SH3BGR: variants seen among roughly 807,000 people sequenced by gnomAD.
SH3BGR encodes the protein SH3 domain-binding glutamic acid-rich protein.
SH3BGR carries 29 observed loss-of-function variants against 24.5 expected under a neutral mutation model. That is an observed-to-expected ratio of 1.18 (90% CI 0.88 to 1.61). The LOEUF is 1.61. SH3BGR is among the 40% of genes most tolerant of loss of function. The probability of loss-of-function intolerance (pLI) is 0.00; values close to 1 mark genes in which losing one functional copy is unlikely to be tolerated. For missense variants in SH3BGR, 162 were observed against 205.8 expected (o/e 0.79, Z 1.30); for synonymous variants, 55 against 65.7 (o/e 0.84, Z 0.79).
At chr21:39,465,407 T>C (rs972112312) in intron 2 of SH3BGR, among the ~76,000 whole-genome samples, 1 of 152,232 alleles carries the variant, frequency 6.6e-6, no homozygotes, top group African/African-American at 2.4e-5. Context: ...CTCTTTTGAA[T>C]TCTGTAGCTC....
chr21:39,484,466 A>G (rs1398115503), intron 3 of SH3BGR, among the ~76,000 whole-genome samples: 1 of 152,226 alleles, frequency 6.6e-6, no homozygotes, highest in Non-Finnish European at 1.5e-5. Flanking sequence ...TATTTATACT[A>G]ATACGTATAA....
chr21:39,462,568 T>A lies in SH3BGR; in HGVS notation c.231+8T>A. On this transcript the variant is annotated splice_region_variant and intron_variant, in intron 2 of 6. Transcript: ENST00000333634. ...GAGGAGCAGTACTGTGGGGTGAGTA[T>A]GTGCTTCTATTAAAAATCCTGCTGT... The A allele has an allele frequency of 6.6e-7, 1 of 1,522,624 alleles. No homozygotes were observed. Among genetic ancestry groups the A allele is most frequent in the Non-Finnish European group, 8.8e-7 (1 of 1,142,378 alleles). 94.3% of individuals were successfully genotyped at this position (1,522,624 alleles called of 1,614,324 possible). A position where few individuals can be genotyped will look rare whatever the true frequency, so the allele number is the denominator to read the frequency against.
chr21:39,510,950 T>G (rs2078681229), intron 5 of SH3BGR, among the ~76,000 whole-genome samples: 3 of 140,594 alleles, frequency 2.1e-5, no homozygotes, highest in Non-Finnish European at 4.6e-5. Flanking sequence ...TATATATACT[T>G]TCTGAATTTG....
At chr21:39,460,095 A>G (rs73211898) in intron 1 of SH3BGR, among the ~76,000 whole-genome samples, 2,270 of 152,352 alleles carry the variant, frequency 0.015, 24 homozygotes, top group Admixed American at 0.024. Flanking sequence ...AGATACAGTC[A>G]TTACGTGTTA....
In SH3BGR at chr21:39,497,752, A is replaced by G. The variant is rs570981079; in HGVS notation, c.313-2071A>G. Reference sequence around the variant, plus strand: ...AAATATGCCCTTATTTCCAATAATGATAAATGTATAAGTGAAACCAAAAAT... The same window carrying G: ...AAATATGCCCTTATTTCCAATAATGGTAAATGTATAAGTGAAACCAAAAAT... On this transcript the variant is annotated intron_variant, in intron 3 of 6. Transcript: ENST00000333634. Among the ~76,000 whole-genome samples the G allele has an allele frequency of 5.3e-5, 8 of 152,334 alleles. 1 individual carries two copies. The East Asian group carries it at 1.5e-3, about 29-fold the overall frequency.
intron 2 of SH3BGR, among the ~76,000 whole-genome samples, chr21:39,469,348 TGTTC>T (rs1457465732): frequency 1.3e-5 from 2 of 151,874 alleles, no homozygotes; most frequent in African/African-American, 4.8e-5. Context: ...CATAGTTTTT[TGTTC>T]GTTTGTTTGT....
At chr21:39,481,981 C>G (rs2078137258) in intron 3 of SH3BGR, among the ~76,000 whole-genome samples, 1 of 152,150 alleles carries the variant, frequency 6.6e-6, no homozygotes, top group South Asian at 2.1e-4. Context: ...GGAAACCGAT[C>G]TTTATAATAA....
chr21:39,491,568 TG>T, intron 3 of SH3BGR: 2 of 277,670 alleles, frequency 7.2e-6, no homozygotes, highest in Non-Finnish European at 7.0e-6. Context: ...GTGGGGGTCG[TG>T]GGGCAGCACC....
At chr21:39,499,764 GTTTTTTTTT>G in intron 3 of SH3BGR, 50 bp from the exon 4 acceptor site, 1 of 1,041,766 alleles carries the variant, frequency 9.6e-7, no homozygotes, top group Non-Finnish European at 1.4e-6. Flanking sequence ...TATGTGGCCT[GTTTTTTTTT>G]TTCTTTTTTC....
At chr21:39,473,510 G>A (rs2077975538) in intron 2 of SH3BGR, among the ~76,000 whole-genome samples, 1 of 152,154 alleles carries the variant, frequency 6.6e-6, no homozygotes, top group African/African-American at 2.4e-5. Context: ...TTCCAACCAT[G>A]TATTCAGTAT....
chr21:39,477,101 CATG>C (rs1016156391), intron 3 of SH3BGR, among the ~76,000 whole-genome samples: 1 of 151,998 alleles, frequency 6.6e-6, no homozygotes. Flanking sequence ...CTATAGCCTT[CATG>C]ATGATCATTT....
intron 3 of SH3BGR, among the ~76,000 whole-genome samples, chr21:39,478,211 T>G (rs560784587): frequency 7.9e-5 from 12 of 152,314 alleles, no homozygotes; most frequent in African/African-American, 2.6e-4. Flanking sequence ...AAAGATTACT[T>G]TTTAAAAAAA....
At chr21:39,452,218 C>G in intron 1 of SH3BGR, 77 bp downstream of exon 1, 1 of 1,571,718 alleles carries the variant, frequency 6.4e-7, no homozygotes, top group South Asian at 1.2e-5. Flanking sequence ...CAACGTTGGC[C>G]TTCAGTTTCT....
chr21:39,464,245 G>A (rs937766836), intron 2 of SH3BGR, among the ~76,000 whole-genome samples: 1 of 151,612 alleles, frequency 6.6e-6, no homozygotes, highest in East Asian at 1.9e-4. Context: ...TTTTTGAGAT[G>A]GAGTTTCTCT....
At position 39,462,288 on chromosome 21, in the gene SH3BGR, A is replaced by G. The variant is rs113169167; in HGVS notation, c.46-87A>G. On this transcript the variant is annotated intron_variant, in intron 1 of 6. Coordinates refer to ENST00000333634, the MANE Select transcript of SH3BGR (RefSeq NM_007341.3). ...CTTAACAAAATTATTTGTGTTGTAT[A>G]GTATAACTAGAGGAAGGATTTAATT... The G allele has an allele frequency of 1.0e-5, 9 of 891,338 alleles. 1 individual carries two copies. The highest frequency in any genetic ancestry group is 6.9e-5 in the African/African-American group (4 of 58,294). The allele number at this position is 891,338 out of a possible 1,614,324, so 55.2% of individuals were successfully genotyped here. A position where few individuals can be genotyped will look rare whatever the true frequency, so the allele number is the denominator to read the frequency against.
At chr21:39,492,563 G>A (rs1156868061) in intron 3 of SH3BGR, among the ~76,000 whole-genome samples, 2 of 151,616 alleles carry the variant, frequency 1.3e-5, no homozygotes, top group Admixed American at 1.3e-4. Context: ...TTTGGCAATT[G>A]CGCATTGTGC....
At chr21:39,450,990 GTTA>G (rs139312859), upstream of SH3BGR, among the ~76,000 whole-genome samples, 586 of 151,530 alleles carry the variant, frequency 3.9e-3, 3 homozygotes, top group African/African-American at 0.014. Context: ...TTTTTTTTGT[GTTA>G]TTGTTGTTGG....
intron 6 of SH3BGR, among the ~76,000 whole-genome samples, chr21:39,512,381 G>A (rs1291620367): frequency 3.3e-5 from 5 of 152,178 alleles, no homozygotes; most frequent in Non-Finnish European, 5.9e-5. Flanking sequence ...TGGAAACACC[G>A]GGGAACATGG....
At chr21:39,460,064 T>G (rs534460246) in intron 1 of SH3BGR, among the ~76,000 whole-genome samples, 1 of 152,296 alleles carries the variant, frequency 6.6e-6, no homozygotes, top group African/African-American at 2.4e-5. Flanking sequence ...ATGGCCACGT[T>G]GGTAAGAAAT....
Sources: allele counts gnomAD v4.1 joint callset (sites outside exome capture counted in the v4.1 genomes callset), GRCh38; gene constraint gnomAD v4.1.1; transcripts MANE v1.5; gene names NCBI Gene and HGNC (gene_info 2026-07-23, HGNC 2026-07-21).